The following ICAM3 variants were observed in gnomAD, a reference collection of about 807,000 sequenced individuals.
ICAM3 encodes the protein ICAM-3.
ICAM3 carries 54 observed loss-of-function variants against 43.6 expected under a neutral mutation model. The observed-to-expected ratio is 1.24, with a 90% CI of 0.99 to 1.55. ICAM3 has a LOEUF of 1.55. ICAM3 is among the 40% of genes most tolerant of loss of function. The probability of loss-of-function intolerance (pLI) is 0.00; values close to 1 mark genes in which losing one functional copy is unlikely to be tolerated. For missense variants in ICAM3, 715 were observed against 717.9 expected, an observed-to-expected ratio of 1.00 and a Z score of 0.05; for synonymous variants, 306 against 312.6, an observed-to-expected ratio of 0.98 and a Z score of 0.22.
chr19:10,339,383 T>A (rs1568320196), intron 1 of ICAM3, 156 bp downstream of exon 1: 3 of 653,456 alleles, frequency 4.6e-6, no homozygotes, highest in Non-Finnish European at 8.0e-6. Flanking sequence ...ACCTGAAGGC[T>A]GAACTAAGGA....
At chr19:10,338,386 A>C (rs1463460500) in intron 2 of ICAM3, among the ~76,000 whole-genome samples, 1 of 151,060 alleles carries the variant, frequency 6.6e-6, no homozygotes, top group Admixed American at 6.6e-5. Context: ...CTAGGCAAAA[A>C]GAGCGAAACT....
chr19:10,334,702 C>G lies in ICAM3; in HGVS notation c.1018G>C (p.Ala340Pro). The change falls in exon 5 of 7, where the codon GCT becomes CCT. Residue 340 changes from alanine to proline, a missense_variant. Ala to Pro is a conservative substitution (Grantham distance 27). Coordinates refer to ENST00000160262, the MANE Select transcript of ICAM3 (RefSeq NM_002162.5). This position sits in a 1 kb window ranked among gnomAD's most constrained non-coding sequence, Gnocchi z 5.5. ...STVTVSCMAG[A>P]RVQVTLDGVP... ...CCGTCCAGCGTGACCTGGACTCGAG[C>G]CCCAGCCATGCAACTCACGGTCACT... 1 of 1,613,292 alleles carries G rather than the reference C, an allele frequency of 6.2e-7. No homozygotes were observed. The highest frequency in any genetic ancestry group is 8.5e-7 in the Non-Finnish European group (1 of 1,180,002).
intron 2 of ICAM3, 72 bp from the exon 3 acceptor site, chr19:10,336,048 G>GA: frequency 7.3e-7 from 1 of 1,363,466 alleles, no homozygotes; most frequent in East Asian, 2.5e-5. Context: ...GACTGGGGAG[G>GA]AGACAGGGTG....
Position 10,335,161 on chromosome 19 carries a change from G to A in ICAM3, c.842C>T (p.Thr281Met). The change falls in exon 4 of 7, where the codon ACG becomes ATG. Residue 281 changes from threonine to methionine, a missense_variant. By Grantham distance (81) the Thr-to-Met change is moderately conservative. Transcript: ENST00000160262. Reference sequence around the variant, plus strand: ...GGCACCCTCCTGATCCGCGCGCGCCGTGGCTGTGGCTGTGGCCGTTAGCGT... The same window carrying A: ...GGCACCCTCCTGATCCGCGCGCGCCATGGCTGTGGCTGTGGCCGTTAGCGT... ...GDTLTATATATARADQEGARE... is the reference protein window; with the variant it reads ...GDTLTATATAMARADQEGARE... 1 of 1,612,942 alleles carries A rather than the reference G, an allele frequency of 6.2e-7. No individual in the cohort carries two copies. Among genetic ancestry groups the A allele is most frequent in the Non-Finnish European group, 8.5e-7 (1 of 1,179,904 alleles).
chr19:10,334,243 T>C lies in ICAM3; in HGVS notation c.1358A>G (p.Asn453Ser), dbSNP rs2098229388. 5 of 1,614,098 alleles carry C rather than the reference T, an allele frequency of 3.1e-6. No individual in the cohort carries two copies. Among genetic ancestry groups the C allele is most frequent in the Non-Finnish European group, 4.2e-6 (5 of 1,180,026 alleles). Residue 453 changes from asparagine to serine, a missense_variant, in exon 6 of 7, where the codon AAC (asparagine) becomes AGC (serine). Physicochemically the swap from Asn to Ser is conservative, Grantham distance 46. Coordinates refer to ENST00000160262, the MANE Select transcript of ICAM3 (RefSeq NM_002162.5). This position sits in a 1 kb window ranked among gnomAD's most constrained non-coding sequence, Gnocchi z 5.5. The stretch of plus-strand genomic sequence containing the variant: ...CTGATAAGTACCATTATGTGTTACG[T>C]TGACGAAGAACGGGATCCCCACCGG... Reference protein sequence around the residue: ...EVPVGIPFFVNVTHNGTYQCQ... With the variant: ...EVPVGIPFFVSVTHNGTYQCQ...
rs887510232 is a variant in ICAM3 at position 10,334,403 on chromosome 19, G to T, written c.1198C>A (p.Pro400Thr). The T allele has an allele frequency of 1.9e-6, 3 of 1,613,974 alleles. No homozygotes were observed. Among genetic ancestry groups the T allele is most frequent in the South Asian group, 1.1e-5 (1 of 91,078 alleles). Residue 400 changes from proline to threonine, a missense_variant, in exon 6 of 7, where the codon CCC becomes ACC. By Grantham distance (38) the Pro-to-Thr change is conservative (BLOSUM62 -1). Coordinates refer to ENST00000160262, the MANE Select transcript of ICAM3 (RefSeq NM_002162.5). This position sits in a 1 kb window ranked among gnomAD's most constrained non-coding sequence, Gnocchi z 5.5. ...GGGCATGTGGCTCGGTCAATTTTGG[G>T]ACCATCTGTGGAACCACCATGTGTG... Reference protein sequence around the residue: ...SSVQLRVLYGPKIDRATCPQH... With the variant: ...SSVQLRVLYGTKIDRATCPQH...
In ICAM3 at chr19:10,334,561, G is replaced by C; in HGVS notation, c.1159C>G (p.His387Asp). 1 of 1,613,304 alleles carries C rather than the reference G, an allele frequency of 6.2e-7. No homozygotes were observed. The highest frequency in any genetic ancestry group is 2.2e-5 in the East Asian group (1 of 44,878). ...ATLEVDGEFL[H>D]RNSSVQLRVL... The stretch of plus-strand genomic sequence containing the variant: ...CGCAGCTGGACGCTACTGTTCCTGT[G>C]CAAGAACTCGCCGTCCACCTCGAGA... The change falls in exon 5 of 7, where the codon CAC becomes GAC. Residue 387 changes from histidine to aspartate, a missense_variant. Transcript: ENST00000160262. This position sits in a 1 kb window ranked among gnomAD's most constrained non-coding sequence, Gnocchi z 5.5.
At position 10,338,838 on chromosome 19, in the gene ICAM3, T is replaced by C. The variant is rs17697947; in HGVS notation, c.187A>G (p.Ile63Val). 4.5e-3 allele frequency: 7,187 copies of C among 1,614,104 alleles called. 123 individuals are homozygous for C. In the East Asian group the frequency reaches 0.057, roughly 13 times the overall value. Residue 63 changes from isoleucine (I) to valine (V), a missense_variant, in exon 2 of 7, where the codon ATC becomes GTC. Coordinates refer to ENST00000160262, the MANE Select transcript of ICAM3 (RefSeq NM_002162.5). ...CSTDCPSSEK[I>V]ALETSLSKEL... ...TTTGATAGGGACGTCTCCAAGGCGA[T>C]TTTCTCAGAGCTGGGACAATCAGTA... is the stretch of plus-strand genomic sequence containing the variant.
rs117942573 is a variant in ICAM3 at position 10,334,593 on chromosome 19, C to T, written c.1127G>A (p.Ser376Asn). Reference sequence around the variant, plus strand: ...CTCGCCGTCCACCTCGAGAGTGGCACTGCAGAAGAAGCTGCGTCCGTCGTC... The same window carrying T: ...CTCGCCGTCCACCTCGAGAGTGGCATTGCAGAAGAAGCTGCGTCCGTCGTC... ...ESDDGRSFFCSATLEVDGEFL... is the reference protein window; with the variant it reads ...ESDDGRSFFCNATLEVDGEFL... The change falls in exon 5 of 7, where the codon AGT becomes AAT. Residue 376 changes from serine (S) to asparagine (N), a missense_variant. Coordinates refer to ENST00000160262, the MANE Select transcript of ICAM3 (RefSeq NM_002162.5). This position sits in a 1 kb window ranked among gnomAD's most constrained non-coding sequence, Gnocchi z 5.5. 287 of 1,613,836 alleles carry T rather than the reference C, an allele frequency of 1.8e-4. 4 individuals carry two copies. The East Asian group carries it at 3.4e-3, about 19-fold the overall frequency.
intron 1 of ICAM3, 54 bp from the exon 2 acceptor site, chr19:10,339,002 C>A: frequency 6.3e-7 from 1 of 1,584,034 alleles, no homozygotes. Context: ...CCAACCCACG[C>A]ATCAACAGGC....
At chr19:10,337,191 C>A (rs2040607989) in intron 2 of ICAM3, among the ~76,000 whole-genome samples, 1 of 151,496 alleles carries the variant, frequency 6.6e-6, no homozygotes, top group Non-Finnish European at 1.5e-5. Context: ...CCAAGGCGGG[C>A]AGATCATTTG....
Position 10,334,113 on chromosome 19 carries a change from C to CG in ICAM3, c.1441+46dup. The CG allele has an allele frequency of 6.2e-7, 1 of 1,607,572 alleles. No homozygotes were observed. On this transcript the variant is annotated intron_variant, in intron 6 of 6. Transcript: ENST00000160262. This position sits in a 1 kb window ranked among gnomAD's most constrained non-coding sequence, Gnocchi z 5.5. The stretch of plus-strand genomic sequence containing the variant: ...GCGTCCCTTCTGTCTCCAACCCCCC[C>CG]GCCCCCCGGCTTACCGGTCCAGACC...
At position 10,334,040 on chromosome 19, in the gene ICAM3, G is replaced by A; in HGVS notation, c.1461C>T (p.Val487=). The A allele has an allele frequency of 6.2e-7, 1 of 1,614,052 alleles. No homozygotes were observed. Among genetic ancestry groups the A allele is most frequent in the Non-Finnish European group, 8.5e-7 (1 of 1,180,012 alleles). Residue 487 remains valine (V), a synonymous_variant, in exon 7 of 7, where the codon GTC becomes GTT. Coordinates refer to ENST00000160262, the MANE Select transcript of ICAM3 (RefSeq NM_002162.5). This position sits in a 1 kb window ranked among gnomAD's most constrained non-coding sequence, Gnocchi z 5.5. ...MDIEAGSSHF[V]PVFVAVLLTL... Reference sequence around the variant, plus strand: ...TCAGTAACACCGCCACGAAGACGGGGACAAAGTGGGAGCTCCCAGCTGTGC... The same window carrying A: ...TCAGTAACACCGCCACGAAGACGGGAACAAAGTGGGAGCTCCCAGCTGTGC...
Position 10,333,791 on chromosome 19 carries a change from G to T in ICAM3, c.*66C>A. 1 of 1,537,776 alleles carries T rather than the reference G, an allele frequency of 6.5e-7. No individual in the cohort carries two copies. On this transcript the variant is annotated 3_prime_UTR_variant, in exon 7 of 7. Coordinates refer to ENST00000160262, the MANE Select transcript of ICAM3 (RefSeq NM_002162.5). This position sits in a 1 kb window ranked among gnomAD's most constrained non-coding sequence, Gnocchi z 4.2. Reference sequence around the variant, plus strand: ...AAACCACAGATTAGGGAGTTTGAAGGCTTTATTGGTGCGGAATCTGAGGGC... The same window carrying T: ...AAACCACAGATTAGGGAGTTTGAAGTCTTTATTGGTGCGGAATCTGAGGGC...
At chr19:10,339,518 C>T (rs921973812) in intron 1 of ICAM3, 21 bp downstream of exon 1, 9 of 1,611,794 alleles carry the variant, frequency 5.6e-6, no homozygotes, top group Admixed American at 1.7e-5. Flanking sequence ...CTCCAGCCCT[C>T]CCCGGCTTGA....
chr19:10,334,941 A>G lies in ICAM3; in HGVS notation c.937+125T>C, dbSNP rs2145095113. 2 of 1,457,520 alleles carry G rather than the reference A, an allele frequency of 1.4e-6. No individual in the cohort carries two copies. The highest frequency in any genetic ancestry group is 2.7e-5 in the South Asian group (2 of 75,298). The allele number at this position is 1,457,520 out of a possible 1,614,324, so 90.3% of individuals were successfully genotyped here. On this transcript the variant is annotated intron_variant, in intron 4 of 6. Transcript: ENST00000160262. The surrounding 1 kb of genome is among the most constrained non-coding windows in gnomAD (Gnocchi z 5.5). The stretch of plus-strand genomic sequence containing the variant: ...GCGCTGTGTCCAGCTTCGGGCACTC[A>G]GGCCCAACCCACGTTGCAACTGCTA...
chr19:10,336,926 A>C (rs563450804), intron 2 of ICAM3, among the ~76,000 whole-genome samples: 1 of 151,068 alleles, frequency 6.6e-6, no homozygotes, highest in African/African-American at 2.4e-5. Flanking sequence ...CCTGGCCCAT[A>C]TGGCAAAACC....
At chr19:10,338,321 T>C (rs756914450) in intron 2 of ICAM3, among the ~76,000 whole-genome samples, 17 of 151,026 alleles carry the variant, frequency 1.1e-4, no homozygotes, top group Non-Finnish European at 1.9e-4. Flanking sequence ...GAGAATCACT[T>C]GAACCCAGGA....
chr19:10,334,327 G>T lies in ICAM3; in HGVS notation c.1274C>A (p.Ala425Asp), dbSNP rs745617138. The T allele has an allele frequency of 1.2e-6, 2 of 1,614,098 alleles. No individual in the cohort carries two copies. Among genetic ancestry groups the T allele is most frequent in the African/African-American group, 2.7e-5 (2 of 74,932 alleles). ...DKTRHVLQCQ[A>D]RGNPYPELRC... is the part of the protein sequence containing the mutation. ...CAGCTCGGGGTACGGGTTGCCCCTGGCTTGGCACTGCAGGACGTGTCTCGT... is the reference window on the plus strand; with the variant it reads ...CAGCTCGGGGTACGGGTTGCCCCTGTCTTGGCACTGCAGGACGTGTCTCGT... Residue 425 changes from alanine (A) to aspartate (D), a missense_variant, in exon 6 of 7, where the codon GCC becomes GAC. Physicochemically the swap from Ala to Asp is moderately radical, Grantham distance 126. Transcript: ENST00000160262. The surrounding 1 kb of genome is among the most constrained non-coding windows in gnomAD (Gnocchi z 5.5).
Sources: allele counts gnomAD v4.1 joint callset (sites outside exome capture counted in the v4.1 genomes callset), GRCh38; gene constraint gnomAD v4.1.1; non-coding constraint Gnocchi (gnomAD v3.1); transcripts MANE v1.5; gene names NCBI Gene and HGNC (gene_info 2026-07-23, HGNC 2026-07-21).